Variants in STRBP observed in about 807,000 individuals in gnomAD.
The protein encoded by STRBP is spermatid perinuclear RNA-binding protein.
A neutral mutation model predicts 80.1 loss-of-function variants in STRBP; 13 were observed. That is an observed-to-expected ratio of 0.16 (90% CI 0.11 to 0.26). STRBP has a LOEUF of 0.26. Among genes scored for constraint, STRBP ranks in the 10% least tolerant of loss-of-function variants. The pLI, the probability that STRBP is intolerant of heterozygous loss-of-function variation, is 1.00. For missense variants in STRBP, 485 were observed against 815.2 expected (o/e 0.59, Z 4.93); for synonymous variants, 284 against 291.2 (o/e 0.98, Z 0.25).
rs112657849 is a variant in STRBP at position 123,245,868 on chromosome 9, C to T, written c.-301-8902G>A. ...TAAAATCTTAGCCACAAAAATTATC[C>T]CACTGATAAATGGAAACTTTAACCC... On this transcript the variant is annotated intron_variant, in intron 1 of 18. Transcript: ENST00000348403. Among the ~76,000 whole-genome samples, 158 of 152,210 alleles carry T rather than the reference C, an allele frequency of 1.0e-3. 1 individual carries two copies. Among genetic ancestry groups the T allele is most frequent in the African/African-American group, 3.7e-3 (153 of 41,520 alleles).
chr9:123,244,020 A>C (rs1311616888), intron 1 of STRBP, among the ~76,000 whole-genome samples: 5 of 152,228 alleles, frequency 3.3e-5, no homozygotes, highest in African/African-American at 4.8e-5. Flanking sequence ...GGAACAACCA[A>C]GATGTTTTTC....
intron 2 of STRBP, among the ~76,000 whole-genome samples, chr9:123,190,575 A>G (rs1319293733): frequency 6.6e-6 from 1 of 152,188 alleles, no homozygotes; most frequent in Non-Finnish European, 1.5e-5. Flanking sequence ...CTTACCCAAA[A>G]ACACCTATAA....
At chr9:123,251,194 C>T (rs2040908238) in intron 1 of STRBP, among the ~76,000 whole-genome samples, 1 of 151,902 alleles carries the variant, frequency 6.6e-6, no homozygotes, top group Non-Finnish European at 1.5e-5. Flanking sequence ...TCCTTCTTTT[C>T]TTTTCTTTTC....
chr9:123,222,777 A>T (rs995512410), intron 2 of STRBP, among the ~76,000 whole-genome samples: 3 of 152,196 alleles, frequency 2.0e-5, no homozygotes, highest in African/African-American at 7.2e-5. Flanking sequence ...CCAAACCCAG[A>T]TAGTTTCTCT....
intron 2 of STRBP, among the ~76,000 whole-genome samples, chr9:123,228,760 T>C (rs759356063): frequency 9.2e-5 from 14 of 152,310 alleles, no homozygotes; most frequent in Non-Finnish European, 1.5e-4. Context: ...ACAGCCATTT[T>C]TGAAAAACAA....
intron 14 of STRBP, 143 bp downstream of exon 14, chr9:123,139,386 C>T (rs2036494454): frequency 2.8e-6 from 2 of 712,726 alleles, no homozygotes; most frequent in Non-Finnish European, 4.1e-6. Flanking sequence ...TGGAAATAAA[C>T]CAAAATAATA....
Position 123,169,901 on chromosome 9 carries a change from C to A in STRBP, c.535+1G>T. Reference sequence around the variant, plus strand: ...ATATATATATATATATACATGTGTACCTCCATCCTTCTTCTCCAATTCGTC... The same window carrying A: ...ATATATATATATATATACATGTGTAACTCCATCCTTCTTCTCCAATTCGTC... On this transcript the variant is annotated splice_donor_variant, in intron 6 of 18. Coordinates refer to ENST00000348403, the MANE Select transcript of STRBP (RefSeq NM_018387.5). LOFTEE classifies it high-confidence loss of function. 2 of 1,491,256 alleles carry A rather than the reference C, an allele frequency of 1.3e-6. No individual in the cohort carries two copies. The highest frequency in any genetic ancestry group is 1.8e-6 in the Non-Finnish European group (2 of 1,112,474). The allele number at this position is 1,491,256 out of a possible 1,614,324, so 92.4% of individuals were successfully genotyped here.
chr9:123,181,890 T>A (rs1177641393), intron 3 of STRBP, among the ~76,000 whole-genome samples: 2 of 124,942 alleles, frequency 1.6e-5, no homozygotes, highest in Non-Finnish European at 3.4e-5. Flanking sequence ...TTTACTCAAA[T>A]AAGCTCTAAA....
At chr9:123,183,994 G>A in intron 3 of STRBP, 138 bp downstream of exon 3, 1 of 668,726 alleles carries the variant, frequency 1.5e-6, no homozygotes, top group Non-Finnish European at 2.5e-6. Flanking sequence ...TTGAATAGTA[G>A]AGTGCCATCT....
chr9:123,158,511 G>A (rs2037386542), intron 9 of STRBP, 82 bp from the exon 10 acceptor site: 6 of 1,199,432 alleles, frequency 5.0e-6, no homozygotes, highest in Non-Finnish European at 6.0e-6. Context: ...GATGGCTGGG[G>A]AGAATGAAGA....
At chr9:123,228,245 T>A (rs1230992930) in intron 2 of STRBP, among the ~76,000 whole-genome samples, 1 of 152,160 alleles carries the variant, frequency 6.6e-6, no homozygotes, top group African/African-American at 2.4e-5. Flanking sequence ...ATGTCTAACA[T>A]CCTGGTGGGC....
chr9:123,165,814 A>C (rs2037733424), intron 6 of STRBP, among the ~76,000 whole-genome samples: 1 of 152,200 alleles, frequency 6.6e-6, no homozygotes, highest in South Asian at 2.1e-4. Flanking sequence ...CCTCATTTAT[A>C]AAATGGCAAT....
chr9:123,123,491 G>A lies in STRBP; in HGVS notation c.*2106C>T, dbSNP rs2035795154. On this transcript the variant is annotated 3_prime_UTR_variant, in exon 19 of 19. Transcript: ENST00000348403. Reference sequence around the variant, plus strand: ...TGTAAAAGTTTGCAGCAACTGGGCAGGTTTACAACATGGTTAGTAACTTCC... The same window carrying A: ...TGTAAAAGTTTGCAGCAACTGGGCAAGTTTACAACATGGTTAGTAACTTCC... 1.0e-6 allele frequency: 1 copy of A among 982,566 alleles called. No homozygotes were observed. Among genetic ancestry groups the A allele is most frequent in the Admixed American group, 6.3e-5 (1 of 15,910 alleles). The allele number at this position is 982,566 out of a possible 1,614,324, so 60.9% of individuals were successfully genotyped here.
chr9:123,157,961 T>A (rs181091285), intron 11 of STRBP, 51 bp downstream of exon 11: 523 of 1,241,706 alleles, frequency 4.2e-4, no homozygotes, highest in Non-Finnish European at 5.5e-4. Context: ...ATCCCATGAT[T>A]ATCTCTACCA....
intron 2 of STRBP, among the ~76,000 whole-genome samples, chr9:123,196,155 G>A (rs537446709): frequency 1.3e-4 from 20 of 152,250 alleles, no homozygotes; most frequent in African/African-American, 4.6e-4. Flanking sequence ...ATGGTGCTGG[G>A]AAAACTGGAT....
rs1009900995 is a variant in STRBP, at chr9:123,136,709, T to C, written c.1498-194A>G. 6.6e-6 allele frequency among the ~76,000 whole-genome samples: 1 copy of C among 152,164 alleles called. No individual in the cohort carries two copies. The highest frequency in any genetic ancestry group is 1.5e-5 in the Non-Finnish European group (1 of 68,036). On this transcript the variant is annotated intron_variant, in intron 14 of 18. Coordinates refer to ENST00000348403, the MANE Select transcript of STRBP (RefSeq NM_018387.5). The surrounding 1 kb of genome is among the most constrained non-coding windows in gnomAD (Gnocchi z 4.2). ...TAAAAACTCTACAAGCAGTAAACATTGCAGTCATCTGGCCAGCCTTCCTTC... is the reference window on the plus strand; with the variant it reads ...TAAAAACTCTACAAGCAGTAAACATCGCAGTCATCTGGCCAGCCTTCCTTC...
At chr9:123,170,126 A>C in intron 5 of STRBP, 80 bp from the exon 6 acceptor site, 1 of 1,380,102 alleles carries the variant, frequency 7.2e-7, no homozygotes, top group Non-Finnish European at 9.8e-7. Context: ...GCTTGTACTA[A>C]GTTCTCGAAT....
At chr9:123,265,320 C>T (rs1012587406) in intron 1 of STRBP, among the ~76,000 whole-genome samples, 5 of 152,108 alleles carry the variant, frequency 3.3e-5, no homozygotes, top group African/African-American at 1.2e-4. Context: ...ACAATGGCTG[C>T]ATTAAGATAC....
chr9:123,116,965 T>C (rs1050834418), downstream of STRBP, among the ~76,000 whole-genome samples: 2 of 152,150 alleles, frequency 1.3e-5, no homozygotes, highest in East Asian at 3.8e-4. Context: ...CTTCTGGTGG[T>C]TAAAAACTCA....
Sources: allele counts gnomAD v4.1 joint callset (sites outside exome capture counted in the v4.1 genomes callset), GRCh38; gene constraint gnomAD v4.1.1; non-coding constraint Gnocchi (gnomAD v3.1); transcripts MANE v1.5; gene names NCBI Gene and HGNC (gene_info 2026-07-23, HGNC 2026-07-21).